SUGP2: variants seen among roughly 807,000 people sequenced by gnomAD.
SUGP2 encodes the protein SURP and G-patch domain containing 2.
In SUGP2, 24 loss-of-function variants were observed where a neutral mutation model predicts 90.5. The ratio of observed to expected loss-of-function variants is 0.27; its 90% CI spans 0.19 to 0.37. The LOEUF is 0.37. SUGP2 is among the 10% of genes least tolerant of loss of function. The pLI is 1.00. For synonymous variants in SUGP2, 473 were observed against 513.4 expected (o/e 0.92, Z 1.06); for missense variants, 1,233 against 1,363.3 (o/e 0.90, Z 1.51).
At position 19,019,357 on chromosome 19, in the gene SUGP2, AC is replaced by A. The variant is rs2058621978; in HGVS notation, c.1730-129del. The A allele has an allele frequency of 4.9e-6, 5 of 1,018,006 alleles. No individual in the cohort carries two copies. The East Asian group carries it at 1.4e-4, about 28-fold the overall frequency. The allele number at this position is 1,018,006 out of a possible 1,614,324, so 63.1% of individuals were successfully genotyped here. On this transcript the variant is annotated intron_variant, in intron 3 of 10. Coordinates refer to ENST00000452918, the MANE Select transcript of SUGP2 (RefSeq NM_001017392.5). ...GCATCAACAACCGAAATCCTCATTC[AC>A]AAGACACCAGCATTGAAAAGAGGAA... is the stretch of plus-strand genomic sequence containing the variant.
intron 1 of SUGP2, 51 bp from the exon 2 acceptor site, chr19:19,031,133 C>T (rs1286650381): frequency 7.6e-6 from 12 of 1,577,144 alleles, no homozygotes; most frequent in East Asian, 2.3e-5. Context: ...TGGAGCTGGG[C>T]GCGGTGGCTC....
In SUGP2 at chr19:19,033,268, G is replaced by C. The variant is rs994899196; in HGVS notation, c.-12+169C>G. ...GAGGAAATGGGGGCGCCGGGCCCGG[G>C]AGGCCGCAGCCGGCCACCCAGGCCA... On this transcript the variant is annotated intron_variant, in intron 1 of 10. Transcript: ENST00000452918. The C allele has an allele frequency of 4.1e-6, 3 of 724,182 alleles. No individual in the cohort carries two copies. The African/African-American group carries it at 5.7e-5, about 14-fold the overall frequency. The allele number at this position is 724,182 out of a possible 1,614,324, so 44.9% of individuals were successfully genotyped here.
intron 5 of SUGP2, among the ~76,000 whole-genome samples, chr19:19,009,626 A>T (rs547713673): frequency 6.6e-6 from 1 of 152,332 alleles, no homozygotes; most frequent in South Asian, 2.1e-4. Context: ...GCAGCACCTC[A>T]TACCAGCTCC....
At chr19:19,021,688 G>T (rs78336728) in intron 3 of SUGP2, among the ~76,000 whole-genome samples, 3,430 of 146,832 alleles carry the variant, frequency 0.023, 128 homozygotes, top group African/African-American at 0.082. Flanking sequence ...TTTTTTTCTA[G>T]ATGGACTTTT....
intron 3 of SUGP2, among the ~76,000 whole-genome samples, chr19:19,021,411 T>TC (rs2058723863): frequency 6.6e-6 from 1 of 152,106 alleles, no homozygotes; most frequent in South Asian, 2.1e-4. Context: ...GCTTTTTTTT[T>TC]CATGGCTCTC....
At chr19:19,006,594 T>A (rs988296893) in intron 6 of SUGP2, among the ~76,000 whole-genome samples, 7 of 151,250 alleles carry the variant, frequency 4.6e-5, no homozygotes, top group East Asian at 1.9e-4. Flanking sequence ...AAAAAGAAAG[T>A]GAAAAAGAAA....
In SUGP2 at chr19:18,993,262, A is replaced by C. The variant is rs1415156863; in HGVS notation, c.*479T>G. The C allele has an allele frequency of 1.3e-5, 2 of 152,234 alleles. No homozygotes were observed. Among genetic ancestry groups the C allele is most frequent in the Admixed American group, 1.3e-4 (2 of 15,278 alleles). The allele number at this position is 152,234 out of a possible 1,614,324, so 9.4% of individuals were successfully genotyped here. ...CTTCAGAGCTTTGGTACCCGAGTGCAGACTTGGTAATTACCGGGAATTTGT... is the reference window on the plus strand; with the variant it reads ...CTTCAGAGCTTTGGTACCCGAGTGCCGACTTGGTAATTACCGGGAATTTGT... On this transcript the variant is annotated 3_prime_UTR_variant, in exon 11 of 11. Transcript: ENST00000452918.
chr19:18,995,083 A>C, intron 9 of SUGP2, 61 bp downstream of exon 9: 1 of 1,583,464 alleles, frequency 6.3e-7, no homozygotes, highest in Non-Finnish European at 8.6e-7. Context: ...GCCAAGCGGC[A>C]GGCTGCAGGT....
Position 18,991,495 on chromosome 19 carries a change from A to T in SUGP2, c.*2246T>A, listed in dbSNP as rs1200214808. Reference sequence around the variant, plus strand: ...AACCATCTCAGCTCAAACTTGGAGGAGCGGCAGGAGGTGGGGGGCGGTCAG... The same window carrying T: ...AACCATCTCAGCTCAAACTTGGAGGTGCGGCAGGAGGTGGGGGGCGGTCAG... On this transcript the variant is annotated 3_prime_UTR_variant, in exon 11 of 11. Coordinates refer to ENST00000452918, the MANE Select transcript of SUGP2 (RefSeq NM_001017392.5). 6.6e-6 allele frequency: 1 copy of T among 152,250 alleles called. No homozygotes were observed. The highest frequency in any genetic ancestry group is 2.4e-5 in the African/African-American group (1 of 41,458). 9.4% of individuals were successfully genotyped at this position (152,250 alleles called of 1,614,324 possible).
Position 19,015,514 on chromosome 19 carries a change from T to G in SUGP2, c.1850+3595A>C, listed in dbSNP as rs139518158. ...CAGTCTCTTGGTAATTCCTTCTCTT[T>G]TTTTTGAGACAGAGTCATGCTCCGT... On this transcript the variant is annotated intron_variant, in intron 4 of 10. Transcript: ENST00000452918. Among the ~76,000 whole-genome samples, 21 of 152,298 alleles carry G rather than the reference T, an allele frequency of 1.4e-4. No individual in the cohort carries two copies. The East Asian group carries it at 3.9e-3, about 28-fold the overall frequency.
chr19:19,000,677 C>T (rs1253453041), intron 8 of SUGP2, among the ~76,000 whole-genome samples: 1 of 151,982 alleles, frequency 6.6e-6, no homozygotes, highest in Non-Finnish European at 1.5e-5. Flanking sequence ...ACTGGGATTA[C>T]AGGCGTGAAT....
chr19:19,028,835 A>G (rs531945811), intron 2 of SUGP2, among the ~76,000 whole-genome samples: 109 of 151,908 alleles, frequency 7.2e-4, no homozygotes, highest in Admixed American at 1.6e-3. Flanking sequence ...GGTAGCTGGG[A>G]TTATAGGGGC....
chr19:19,022,415 G>T (rs1458974755), intron 3 of SUGP2, among the ~76,000 whole-genome samples: 1 of 152,208 alleles, frequency 6.6e-6, no homozygotes, highest in Non-Finnish European at 1.5e-5. Context: ...GTGAACCCAG[G>T]TCTGTCTGGC....
At position 19,024,719 on chromosome 19, in the gene SUGP2, C is replaced by T; in HGVS notation, c.1629G>A (p.Gln543=). ...TCGGCTCTGGTTCGGCTTTCTTAAC[C>T]TGGAGGGGACATCCGCTGCTGACTA... ...AWLVSSGCPL[Q]VKKAEPEPMR... Residue 543 remains glutamine (Q), a synonymous_variant, in exon 3 of 11, where the codon CAG becomes CAA. Coordinates refer to ENST00000452918, the MANE Select transcript of SUGP2 (RefSeq NM_001017392.5). The T allele has an allele frequency of 4.3e-6, 7 of 1,614,198 alleles. No homozygotes were observed. The highest frequency in any genetic ancestry group is 5.9e-6 in the Non-Finnish European group (7 of 1,180,048).
At chr19:19,029,851 G>A (rs1273419199) in intron 2 of SUGP2, among the ~76,000 whole-genome samples, 1 of 152,000 alleles carries the variant, frequency 6.6e-6, no homozygotes, top group Non-Finnish European at 1.5e-5. Flanking sequence ...GCTGAGGCAG[G>A]AGAATCGCTT....
chr19:19,007,786 G>C (rs1054964405), intron 6 of SUGP2, among the ~76,000 whole-genome samples: 13 of 103,694 alleles, frequency 1.3e-4, no homozygotes, highest in African/African-American at 5.1e-4. Flanking sequence ...TGGAGATGAA[G>C]TCTCGCTCTG....
intron 2 of SUGP2, among the ~76,000 whole-genome samples, chr19:19,029,202 C>T (rs1318709688): frequency 6.6e-6 from 1 of 151,212 alleles, no homozygotes; most frequent in Non-Finnish European, 1.5e-5. Flanking sequence ...AGTGCAGTGG[C>T]ACAACCTTGG....
chr19:19,031,383 A>T (rs2059142926), intron 1 of SUGP2, among the ~76,000 whole-genome samples: 1 of 151,948 alleles, frequency 6.6e-6, no homozygotes, highest in Non-Finnish European at 1.5e-5. Context: ...AAAATACAAA[A>T]ATTAGCCGGG....
At position 19,020,052 on chromosome 19, in the gene SUGP2, C is replaced by CAA. The variant is rs1372384091; in HGVS notation, c.1730-825_1730-824dup. ...GGTGGGATAGAGCGAGACTCCATCA[C>CAA]AAAAAAAAATAAATAAATAAATAAA... On this transcript the variant is annotated intron_variant, in intron 3 of 10. Coordinates refer to ENST00000452918, the MANE Select transcript of SUGP2 (RefSeq NM_001017392.5). 6.4e-3 allele frequency among the ~76,000 whole-genome samples: 781 copies of CAA among 121,124 alleles called. 10 individuals are homozygous for CAA. Among genetic ancestry groups the CAA allele is most frequent in the African/African-American group, 0.023 (724 of 31,104 alleles). The allele number at this position is 121,124 out of a possible 152,430, so 79.5% of individuals were successfully genotyped here.
Sources: allele counts gnomAD v4.1 joint callset (sites outside exome capture counted in the v4.1 genomes callset), GRCh38; gene constraint gnomAD v4.1.1; transcripts MANE v1.5; gene names NCBI Gene and HGNC (gene_info 2026-07-23, HGNC 2026-07-21).